The following PRKG1 variants were observed in gnomAD, a reference collection of about 807,000 sequenced individuals.
PRKG1 encodes cGMP-dependent protein kinase 1.
PRKG1 carries 35 observed loss-of-function variants against 88.1 expected under a neutral mutation model. That is an observed-to-expected ratio of 0.40 (90% CI 0.30 to 0.53). The LOEUF (loss-of-function observed/expected upper bound fraction) is 0.53, where lower values mean the gene tolerates loss of function less well. Among genes scored for constraint, PRKG1 ranks in the 20% least tolerant of loss-of-function variants. PRKG1 has a pLI of 0.59. For missense variants in PRKG1, 540 were observed against 839.8 expected (o/e 0.64, Z 4.41); for synonymous variants, 303 against 292.5 (o/e 1.04, Z -0.37).
chr10:51,732,591 T>C (rs1837144098), intron 3 of PRKG1, among the ~76,000 whole-genome samples: 1 of 152,092 alleles, frequency 6.6e-6, no homozygotes, highest in African/African-American at 2.4e-5. Context: ...CCTAATAATA[T>C]CTAATAATAG....
chr10:51,680,859 ACAT>A, intron 3 of PRKG1, among the ~76,000 whole-genome samples: 1 of 152,338 alleles, frequency 6.6e-6, no homozygotes. Context: ...ATTGCTTGTA[ACAT>A]GGTGGCATTA....
chr10:51,081,140 A>G, intron 1 of PRKG1, among the ~76,000 whole-genome samples: 1 of 152,126 alleles, frequency 6.6e-6, no homozygotes, highest in East Asian at 1.9e-4. Flanking sequence ...GCTCTAGGGG[A>G]GACTCCATAT....
intron 2 of PRKG1, among the ~76,000 whole-genome samples, chr10:51,310,173 A>AT (rs1016557355): frequency 6.6e-6 from 1 of 152,168 alleles, no homozygotes; most frequent in East Asian, 1.9e-4. Flanking sequence ...TGGCTACTCT[A>AT]TAAGGCCAGA....
chr10:51,199,553 C>G (rs1366287436), intron 2 of PRKG1, among the ~76,000 whole-genome samples: 2 of 152,146 alleles, frequency 1.3e-5, no homozygotes, highest in African/African-American at 4.8e-5. Flanking sequence ...GTGTTACCAG[C>G]ACAATGGCCT....
intron 3 of PRKG1, among the ~76,000 whole-genome samples, chr10:51,769,940 T>G (rs1470142444): frequency 6.6e-6 from 1 of 152,240 alleles, no homozygotes; most frequent in Non-Finnish European, 1.5e-5. Flanking sequence ...TTTAAAGTCA[T>G]CCTGGGCCGC....
chr10:51,200,812 A>C (rs1161699210), intron 2 of PRKG1, among the ~76,000 whole-genome samples: 1 of 152,206 alleles, frequency 6.6e-6, no homozygotes, highest in African/African-American at 2.4e-5. Context: ...AATGCCACTG[A>C]TGGGTTTAAT....
At chr10:52,157,439 A>C (rs1784466378) in intron 8 of PRKG1, among the ~76,000 whole-genome samples, 1 of 150,432 alleles carries the variant, frequency 6.6e-6, no homozygotes, top group South Asian at 2.1e-4. Flanking sequence ...CTGCCTTTCT[A>C]ATAATTTAAA....
At chr10:51,288,844 T>C (rs1311765159) in intron 2 of PRKG1, among the ~76,000 whole-genome samples, 1 of 152,216 alleles carries the variant, frequency 6.6e-6, no homozygotes, top group Non-Finnish European at 1.5e-5. Context: ...TTTAAATGCC[T>C]TTAGTTTTAT....
intron 1 of PRKG1, among the ~76,000 whole-genome samples, chr10:51,134,471 A>T (rs1691430703): frequency 6.6e-6 from 1 of 152,182 alleles, no homozygotes; most frequent in African/African-American, 2.4e-5. Context: ...TTATTGTGAT[A>T]CCATGCAGTA....
chr10:51,013,567 T>G (rs1282221825), intron 1 of PRKG1, among the ~76,000 whole-genome samples: 1 of 152,134 alleles, frequency 6.6e-6, no homozygotes, highest in African/African-American at 2.4e-5. Flanking sequence ...AGTTTTTGTA[T>G]TTTTAGTAGA....
intron 1 of PRKG1, among the ~76,000 whole-genome samples, chr10:51,024,603 A>G (rs901370886): frequency 6.6e-6 from 1 of 152,222 alleles, no homozygotes; most frequent in African/African-American, 2.4e-5. Context: ...CTATTGCTAT[A>G]AAGAAATACC....
chr10:51,031,458 A>G (rs1410169450), intron 1 of PRKG1, among the ~76,000 whole-genome samples: 1 of 152,212 alleles, frequency 6.6e-6, no homozygotes, highest in Admixed American at 6.5e-5. Flanking sequence ...ATGGTCTTAA[A>G]CCAAGAGTCT....
At chr10:51,224,127 G>A (rs1276975569) in intron 2 of PRKG1, among the ~76,000 whole-genome samples, 1 of 152,154 alleles carries the variant, frequency 6.6e-6, no homozygotes, top group Non-Finnish European at 1.5e-5. Flanking sequence ...TGTATTTTGT[G>A]GTTTTGTGTA....
chr10:51,788,888 T>C (rs1029825176), intron 3 of PRKG1, among the ~76,000 whole-genome samples: 1 of 152,240 alleles, frequency 6.6e-6, no homozygotes, highest in Non-Finnish European at 1.5e-5. Flanking sequence ...AGAAATGAGA[T>C]TAATTAAGGA....
At chr10:51,565,238 C>T (rs1248976159) in intron 3 of PRKG1, among the ~76,000 whole-genome samples, 1 of 151,988 alleles carries the variant, frequency 6.6e-6, no homozygotes. Context: ...ATTCACTCTC[C>T]AAAAGCCTTT....
intron 1 of PRKG1, among the ~76,000 whole-genome samples, chr10:51,115,424 G>A (rs1044039358): frequency 8.1e-6 from 1 of 123,594 alleles, no homozygotes; most frequent in African/African-American, 2.8e-5. Flanking sequence ...GAGAGAGAGA[G>A]AGAGAGAGAG....
intron 8 of PRKG1, among the ~76,000 whole-genome samples, chr10:52,142,637 G>A (rs1424586893): frequency 6.6e-6 from 1 of 152,004 alleles, no homozygotes; most frequent in Non-Finnish European, 1.5e-5. Flanking sequence ...AGAACCTCAC[G>A]AGTCACATCT....
chr10:51,612,249 T>A (rs1001022420), intron 3 of PRKG1, among the ~76,000 whole-genome samples: 2 of 152,080 alleles, frequency 1.3e-5, no homozygotes, highest in Non-Finnish European at 2.9e-5. Context: ...ATTTTAACAA[T>A]ATTCTCCTAC....
intron 3 of PRKG1, among the ~76,000 whole-genome samples, chr10:51,587,250 T>A (rs1482749753): frequency 6.6e-6 from 1 of 152,068 alleles, no homozygotes; most frequent in Non-Finnish European, 1.5e-5. Context: ...ATATTAATAG[T>A]AGTAATAATG....
Sources: allele counts gnomAD v4.1 joint callset (sites outside exome capture counted in the v4.1 genomes callset), GRCh38; gene constraint gnomAD v4.1.1; transcripts MANE v1.5; gene names NCBI Gene and HGNC (gene_info 2026-07-23, HGNC 2026-07-21).